The following CNTN1 variants were observed in gnomAD, a reference collection of about 807,000 sequenced individuals.
The protein encoded by CNTN1 is contactin-1.
Under a neutral mutation model 126.4 loss-of-function variants are expected in CNTN1, and 38 were observed. That is an observed-to-expected ratio of 0.30 (90% confidence interval 0.23 to 0.39). CNTN1 has a LOEUF of 0.39. Among genes scored for constraint, CNTN1 ranks in the 10% least tolerant of loss-of-function variants. The probability of loss-of-function intolerance (pLI) is 1.00; values close to 1 mark genes in which losing one functional copy is unlikely to be tolerated. For missense variants in CNTN1, 1,009 were observed against 1,248.4 expected, an observed-to-expected ratio of 0.81 and a Z score of 2.89; for synonymous variants, 413 against 422.6, an observed-to-expected ratio of 0.98 and a Z score of 0.28.
intron 1 of CNTN1, among the ~76,000 whole-genome samples, chr12:40,723,918 G>A (rs1414912298): frequency 3.3e-5 from 5 of 152,076 alleles, no homozygotes; most frequent in African/African-American, 7.2e-5. Context: ...AACTGCCTGG[G>A]CCTCTCCTTC....
intron 1 of CNTN1, among the ~76,000 whole-genome samples, chr12:40,707,044 GCGCACACACACACACACACA>G (rs1218425372): frequency 1.4e-4 from 7 of 50,556 alleles, no homozygotes; most frequent in African/African-American, 5.6e-4. Context: ...GCGCGCGCTT[GCGCACACACACACACACACA>G]CACACACACA....
chr12:40,942,481 G>A (rs1464649737), intron 12 of CNTN1, among the ~76,000 whole-genome samples: 2 of 152,112 alleles, frequency 1.3e-5, no homozygotes, highest in Non-Finnish European at 2.9e-5. Context: ...ATGCATATCA[G>A]AGGAGTTTGC....
chr12:40,965,992 ATCACAC>A (rs1257144419), intron 15 of CNTN1, among the ~76,000 whole-genome samples: 125 of 138,340 alleles, frequency 9.0e-4, no homozygotes, highest in African/African-American at 3.5e-3. Context: ...TACACACCTC[ATCACAC>A]CACACACACA....
In CNTN1 at chr12:41,065,908, A is replaced by C. The variant is rs112758034; in HGVS notation, c.2981-4051A>C. On this transcript the variant is annotated intron_variant, in intron 23 of 23. Coordinates refer to ENST00000551295, the MANE Select transcript of CNTN1 (RefSeq NM_001843.4). Reference sequence around the variant, plus strand: ...CTCAGCTGATTTTCACTCTAATCATAGGGATGTTTTTACTCTTTCAGTTCT... The same window carrying C: ...CTCAGCTGATTTTCACTCTAATCATCGGGATGTTTTTACTCTTTCAGTTCT... 5.1e-3 allele frequency among the ~76,000 whole-genome samples: 778 copies of C among 152,356 alleles called. 6 individuals carry two copies. Among genetic ancestry groups the C allele is most frequent in the African/African-American group, 0.018 (738 of 41,578 alleles).
chr12:41,012,778 A>C (rs1268010845), intron 17 of CNTN1, among the ~76,000 whole-genome samples: 1 of 152,210 alleles, frequency 6.6e-6, no homozygotes, highest in Non-Finnish European at 1.5e-5. Flanking sequence ...ATGGAGGCCA[A>C]TAGCCTCTGA....
chr12:40,752,881 CTCAT>C (rs1406032592), intron 1 of CNTN1, among the ~76,000 whole-genome samples: 2 of 152,002 alleles, frequency 1.3e-5, no homozygotes, highest in Non-Finnish European at 2.9e-5. Context: ...ATGAGATTAT[CTCAT>C]TCAATCAATT....
chr12:40,967,163 T>C (rs1947337448), intron 15 of CNTN1, among the ~76,000 whole-genome samples: 3 of 151,578 alleles, frequency 2.0e-5, no homozygotes, highest in African/African-American at 4.8e-5. Flanking sequence ...CGAGACTCCA[T>C]CTCATCTCAA....
In CNTN1 at chr12:40,778,405, A is replaced by C. The variant is rs1337644380; in HGVS notation, c.-77+85813A>C. ...ACAAGGGCAGAATTGGGTAGTTGTC[A>C]CAGAGACCATATGGTCTGGAAAGAA... On this transcript the variant is annotated intron_variant, in intron 1 of 23. Coordinates refer to ENST00000551295, the MANE Select transcript of CNTN1 (RefSeq NM_001843.4). Among the ~76,000 whole-genome samples the C allele has an allele frequency of 3.3e-5, 5 of 151,962 alleles. No homozygotes were observed. In the Admixed American group the frequency reaches 3.3e-4, roughly 10 times the overall value.
intron 1 of CNTN1, among the ~76,000 whole-genome samples, chr12:40,765,717 A>G (rs189416898): frequency 2.0e-5 from 3 of 152,366 alleles, no homozygotes; most frequent in Admixed American, 2.0e-4. Context: ...TAGTTGGCAA[A>G]AGATGGTATA....
chr12:40,700,148 GTTTGT>G (rs1941558511), intron 1 of CNTN1, among the ~76,000 whole-genome samples: 1 of 151,854 alleles, frequency 6.6e-6, no homozygotes, highest in South Asian at 2.1e-4. Context: ...CCTTTCTTTT[GTTTGT>G]TTTGAAGTAT....
chr12:40,862,210 C>T (rs1381975883), intron 1 of CNTN1, among the ~76,000 whole-genome samples: 1 of 149,660 alleles, frequency 6.7e-6, no homozygotes, highest in African/African-American at 2.4e-5. Flanking sequence ...TCTCTTAATA[C>T]ACACACACAC....
At chr12:40,920,485 C>A (rs909752455) in intron 4 of CNTN1, among the ~76,000 whole-genome samples, 5 of 136,188 alleles carry the variant, frequency 3.7e-5, no homozygotes, top group Admixed American at 3.0e-4. Flanking sequence ...TGAAGACAGT[C>A]TGCATTTGAC....
intron 1 of CNTN1, among the ~76,000 whole-genome samples, chr12:40,834,402 A>AT (rs1941969836): frequency 6.6e-6 from 1 of 152,200 alleles, no homozygotes; most frequent in Non-Finnish European, 1.5e-5. Flanking sequence ...CAAGTGGCAA[A>AT]TTGATGGCTT....
chr12:40,958,385 A>T (rs1406058942), intron 14 of CNTN1, among the ~76,000 whole-genome samples: 1 of 149,224 alleles, frequency 6.7e-6, no homozygotes, highest in Non-Finnish European at 1.5e-5. Flanking sequence ...GTGTGTATGT[A>T]TGTATGTATG....
chr12:40,897,663 A>G (rs545273380), intron 1 of CNTN1, among the ~76,000 whole-genome samples: 1 of 152,290 alleles, frequency 6.6e-6, no homozygotes, highest in Non-Finnish European at 1.5e-5. Context: ...AAATTCGAAT[A>G]AAAAGGAACA....
intron 1 of CNTN1, among the ~76,000 whole-genome samples, chr12:40,761,363 T>A: frequency 6.6e-6 from 1 of 152,130 alleles, no homozygotes; most frequent in East Asian, 1.9e-4. Context: ...GAAATTATAA[T>A]AAGATTTGTT....
At chr12:41,053,699 A>G (rs1341350364) in intron 23 of CNTN1, among the ~76,000 whole-genome samples, 1 of 151,270 alleles carries the variant, frequency 6.6e-6, no homozygotes, top group Non-Finnish European at 1.5e-5. Flanking sequence ...TAAAATAACT[A>G]ACATATATTT....
intron 1 of CNTN1, among the ~76,000 whole-genome samples, chr12:40,869,772 T>C (rs758789674): frequency 3.5e-4 from 54 of 152,218 alleles, no homozygotes; most frequent in Non-Finnish European, 3.4e-4. Flanking sequence ...TTAGAACCAC[T>C]AATTATTTTG....
At chr12:40,767,251 T>C (rs1235977450) in intron 1 of CNTN1, among the ~76,000 whole-genome samples, 1 of 151,712 alleles carries the variant, frequency 6.6e-6, no homozygotes, top group Non-Finnish European at 1.5e-5. Context: ...ATAAGATGTT[T>C]ACTTCTTAAT....
Sources: allele counts gnomAD v4.1 joint callset (sites outside exome capture counted in the v4.1 genomes callset), GRCh38; gene constraint gnomAD v4.1.1; transcripts MANE v1.5; gene names NCBI Gene and HGNC (gene_info 2026-07-23, HGNC 2026-07-21).